The following CLIC4 variants were observed in gnomAD, a reference collection of about 807,000 sequenced individuals.
CLIC4 encodes the protein chloride intracellular channel protein 4.
In CLIC4, 13 loss-of-function variants were observed where a neutral mutation model predicts 24.6. That is an observed-to-expected ratio of 0.53 (90% CI 0.34 to 0.84). CLIC4 has a LOEUF of 0.84. CLIC4 is among the 40% of genes least tolerant of loss of function. CLIC4 has a pLI of 0.01. For synonymous variants in CLIC4, 104 were observed against 111.3 expected (o/e 0.93, Z 0.41); for missense variants, 227 against 301.7 (o/e 0.75, Z 1.83).
intron 1 of CLIC4, among the ~76,000 whole-genome samples, chr1:24,781,282 A>C (rs1639202665): frequency 6.8e-6 from 1 of 146,822 alleles, no homozygotes; most frequent in Non-Finnish European, 1.5e-5. Flanking sequence ...CTACAGGCAC[A>C]CGCCACCATG....
At chr1:24,824,562 TTG>T (rs1639768399) in intron 3 of CLIC4, among the ~76,000 whole-genome samples, 1 of 151,600 alleles carries the variant, frequency 6.6e-6, no homozygotes, top group African/African-American at 2.4e-5. Flanking sequence ...GCCACTGTGC[TTG>T]GTCTCGTTTG....
At chr1:24,837,812 G>A (rs1242381896) in intron 4 of CLIC4, among the ~76,000 whole-genome samples, 5 of 152,142 alleles carry the variant, frequency 3.3e-5, no homozygotes, top group African/African-American at 9.7e-5. Flanking sequence ...TCAGGAGTTC[G>A]AGATTAGCCT....
At chr1:24,758,594 C>G (rs1638882148) in intron 1 of CLIC4, among the ~76,000 whole-genome samples, 1 of 151,980 alleles carries the variant, frequency 6.6e-6, no homozygotes, top group Non-Finnish European at 1.5e-5. Context: ...CTGGCTGGGA[C>G]TAGAGACACG....
At chr1:24,770,267 C>T (rs887906377) in intron 1 of CLIC4, among the ~76,000 whole-genome samples, 2 of 151,334 alleles carry the variant, frequency 1.3e-5, no homozygotes, top group East Asian at 1.9e-4. Flanking sequence ...TTCTTTCTGC[C>T]CTCTCCCTTT....
At chr1:24,799,087 T>C (rs1227761796) in intron 2 of CLIC4, among the ~76,000 whole-genome samples, 132 of 134,920 alleles carry the variant, frequency 9.8e-4, no homozygotes, top group Middle Eastern at 4.3e-3. Context: ...AAGTGAGGAG[T>C]GTCTCTGCCT....
intron 1 of CLIC4, among the ~76,000 whole-genome samples, chr1:24,765,138 A>G (rs565538080): frequency 6.6e-6 from 1 of 152,222 alleles, no homozygotes. Flanking sequence ...TACTGTTCCC[A>G]TTGACTGTTT....
chr1:24,748,494 T>TTTTTG (rs1557791983), intron 1 of CLIC4, among the ~76,000 whole-genome samples: 1 of 130,880 alleles, frequency 7.6e-6, no homozygotes, highest in Non-Finnish European at 1.6e-5. Context: ...CAGATCAGGT[T>TTTTTG]TTTTGTTTTT....
chr1:24,808,650 A>AC (rs1639580742), intron 2 of CLIC4, among the ~76,000 whole-genome samples: 1 of 149,390 alleles, frequency 6.7e-6, no homozygotes, highest in African/African-American at 2.5e-5. Flanking sequence ...TTTTGTAGAG[A>AC]TGGGAGATCT....
At chr1:24,763,476 G>A (rs1463681490) in intron 1 of CLIC4, among the ~76,000 whole-genome samples, 3 of 138,902 alleles carry the variant, frequency 2.2e-5, no homozygotes, top group Non-Finnish European at 4.6e-5. Context: ...GGAGGTGGAG[G>A]TTGCAGTGAA....
intron 1 of CLIC4, among the ~76,000 whole-genome samples, chr1:24,791,867 A>C (rs1639343333): frequency 6.7e-6 from 1 of 149,334 alleles, no homozygotes; most frequent in Admixed American, 6.7e-5. Flanking sequence ...CAAGAGTGAA[A>C]CTCCATCTCA....
intron 1 of CLIC4, among the ~76,000 whole-genome samples, chr1:24,791,144 C>T (rs1639328919): frequency 6.6e-6 from 1 of 152,148 alleles, no homozygotes; most frequent in African/African-American, 2.4e-5. Context: ...ATGAATATAA[C>T]TGTTAGAAGC....
chr1:24,765,666 A>T (rs1638985537), intron 1 of CLIC4, among the ~76,000 whole-genome samples: 1 of 152,198 alleles, frequency 6.6e-6, no homozygotes, highest in East Asian at 1.9e-4. Context: ...GTGTTAGATT[A>T]TACCGTTGCC....
chr1:24,828,927 T>G (rs1002963569), intron 4 of CLIC4, among the ~76,000 whole-genome samples: 14 of 152,164 alleles, frequency 9.2e-5, no homozygotes, highest in Non-Finnish European at 1.5e-5. Flanking sequence ...CCAAGCAACT[T>G]CTCTCCACAG....
intron 2 of CLIC4, among the ~76,000 whole-genome samples, chr1:24,808,487 A>G (rs1000588462): frequency 7.9e-5 from 12 of 152,022 alleles, no homozygotes; most frequent in Non-Finnish European, 1.3e-4. Flanking sequence ...GTACATGTTC[A>G]GTACAACTGC....
At chr1:24,830,263 A>G (rs1453629051) in intron 4 of CLIC4, among the ~76,000 whole-genome samples, 1 of 152,138 alleles carries the variant, frequency 6.6e-6, no homozygotes, top group Non-Finnish European at 1.5e-5. Flanking sequence ...TTTCTATGTA[A>G]TTTTGCAAAC....
chr1:24,842,251 G>A lies in CLIC4; in HGVS notation c.*1314G>A, dbSNP rs1639950936. The stretch of plus-strand genomic sequence containing the variant: ...TTTTTTAATTGAAGCCCTAAACCAG[G>A]AATTATTTGTGTTCTAACAGGAGGA... On this transcript the variant is annotated 3_prime_UTR_variant, in exon 6 of 6. Transcript: ENST00000374379. 3 of 152,018 alleles carry A rather than the reference G, an allele frequency of 2.0e-5. No homozygotes were observed. Among genetic ancestry groups the A allele is most frequent in the Non-Finnish European group, 4.4e-5 (3 of 67,970 alleles). The allele number at this position is 152,018 out of a possible 1,614,324, so 9.4% of individuals were successfully genotyped here. A position where few individuals can be genotyped will look rare whatever the true frequency, so the allele number is the denominator to read the frequency against.
chr1:24,804,484 TGGAGTGTGTGGGTTGAG>T (rs1639525519), intron 2 of CLIC4, among the ~76,000 whole-genome samples: 1 of 66,084 alleles, frequency 1.5e-5, no homozygotes, highest in African/African-American at 6.5e-5. Flanking sequence ...GTAGGTGGGT[TGGAGTGTGTGGGTTGAG>T]GGTGTGTGTG....
intron 1 of CLIC4, among the ~76,000 whole-genome samples, chr1:24,754,677 G>C (rs1638820886): frequency 1.3e-5 from 2 of 152,122 alleles, no homozygotes; most frequent in Non-Finnish European, 2.9e-5. Context: ...TAGGGCATCA[G>C]CTAGTGAATT....
intron 4 of CLIC4, among the ~76,000 whole-genome samples, chr1:24,827,334 GT>G (rs1333252330): frequency 2.0e-5 from 3 of 152,174 alleles, no homozygotes; most frequent in Non-Finnish European, 4.4e-5. Flanking sequence ...ACAGTATATA[GT>G]AAGTGTGTGA....
Sources: gnomAD v4.1 joint callset for allele counts (sites outside exome capture counted in the v4.1 genomes callset) on GRCh38, gnomAD v4.1.1 for gene constraint, MANE v1.5 for transcripts, NCBI Gene and HGNC (gene_info 2026-07-23, HGNC 2026-07-21) for gene names.